Variants in TRPM7 observed in about 807,000 individuals in gnomAD.
The protein encoded by TRPM7 is transient receptor potential cation channel subfamily M member 7.
Under a neutral mutation model 229.7 loss-of-function variants are expected in TRPM7, and 134 were observed. That is an observed-to-expected ratio of 0.58 (90% confidence interval 0.51 to 0.67). The LOEUF (loss-of-function observed/expected upper bound fraction) is 0.67, where lower values mean the gene tolerates loss of function less well. TRPM7 is among the 30% of genes least tolerant of loss of function. The pLI is 0.00. For synonymous variants in TRPM7, 699 were observed against 715.2 expected, an observed-to-expected ratio of 0.98 and a Z score of 0.36; for missense variants, 1,901 against 2,210.0, an observed-to-expected ratio of 0.86 and a Z score of 2.80.
intron 1 of TRPM7, among the ~76,000 whole-genome samples, chr15:50,686,099 T>C (rs1383047915): frequency 6.6e-6 from 1 of 152,216 alleles, no homozygotes; most frequent in Non-Finnish European, 1.5e-5. Flanking sequence ...CTTTTTTCCA[T>C]GTAAAACTTG....
intron 38 of TRPM7, among the ~76,000 whole-genome samples, chr15:50,569,594 A>G (rs958129959): frequency 3.3e-5 from 5 of 152,146 alleles, no homozygotes; most frequent in Non-Finnish European, 5.9e-5. Context: ...ATGAGGCTAA[A>G]CTCCATGAGG....
intron 11 of TRPM7, among the ~76,000 whole-genome samples, chr15:50,627,021 G>C (rs749402173): frequency 2.6e-5 from 4 of 152,126 alleles, no homozygotes; most frequent in Non-Finnish European, 5.9e-5. Context: ...TATTTACTAT[G>C]TGGACAAAAA....
chr15:50,600,601 A>C (rs2059754766), intron 21 of TRPM7, among the ~76,000 whole-genome samples: 1 of 152,206 alleles, frequency 6.6e-6, no homozygotes, highest in Non-Finnish European at 1.5e-5. Flanking sequence ...TGTAAACTTA[A>C]AATAATTGTA....
intron 3 of TRPM7, among the ~76,000 whole-genome samples, chr15:50,651,597 T>C (rs1412636582): frequency 6.6e-6 from 1 of 152,020 alleles, no homozygotes; most frequent in Non-Finnish European, 1.5e-5. Flanking sequence ...AGGAATTCAA[T>C]ATTAGCCTGG....
chr15:50,609,470 A>G (rs2060005888), intron 19 of TRPM7, 111 bp downstream of exon 19: 1 of 1,040,586 alleles, frequency 9.6e-7, no homozygotes, highest in South Asian at 2.1e-5. Flanking sequence ...TTAAATGTGA[A>G]ATGCCTTTTC....
intron 1 of TRPM7, among the ~76,000 whole-genome samples, chr15:50,674,664 T>C (rs1049749258): frequency 1.3e-5 from 2 of 152,186 alleles, no homozygotes; most frequent in Non-Finnish European, 2.9e-5. Context: ...TTGTTACTAA[T>C]TAGCAACCTT....
At position 50,561,692 on chromosome 15, in the gene TRPM7, G is replaced by A. The variant is rs753258420; in HGVS notation, c.5584C>T (p.Arg1862Cys). Residue 1862 changes from arginine (R) to cysteine (C), a missense_variant, in exon 39 of 39, where the codon CGT becomes TGT. By Grantham distance (180) the Arg-to-Cys change is radical. This residue lies in a region of TRPM7 where 257 missense variants were observed against 352.0 expected (regional missense o/e 0.73). Transcript: ENST00000646667. ...TKESESTNSV[R>C]LML ...TAATATTAATATTATAACATCAGAC[G>A]AACAGAATTAGTTGATTCTGATTCT... The A allele has an allele frequency of 8.1e-6, 13 of 1,610,004 alleles. No individual in the cohort carries two copies. The highest frequency in any genetic ancestry group is 1.1e-5 in the South Asian group (1 of 89,932).
chr15:50,585,118 G>A (rs2054632658), intron 28 of TRPM7, among the ~76,000 whole-genome samples: 1 of 140,838 alleles, frequency 7.1e-6, no homozygotes, highest in South Asian at 2.2e-4. Context: ...GCAGACTGCA[G>A]TGGCGCAATC....
intron 15 of TRPM7, 132 bp downstream of exon 15, chr15:50,613,575 C>A: frequency 1.7e-5 from 8 of 477,496 alleles, no homozygotes; most frequent in East Asian, 5.5e-5. Flanking sequence ...GAGAAAATGA[C>A]AATTCTAGGA....
chr15:50,582,267 G>C (rs1414200308), intron 29 of TRPM7, among the ~76,000 whole-genome samples: 1 of 149,308 alleles, frequency 6.7e-6, no homozygotes, highest in Non-Finnish European at 1.5e-5. Flanking sequence ...CCCCCACCGA[G>C]TTTTTTTTTT....
At position 50,560,691 on chromosome 15, in the gene TRPM7, C is replaced by A. The variant is rs867156731; in HGVS notation, c.*987G>T. The A allele has an allele frequency of 4.6e-5, 7 of 152,584 alleles. No individual in the cohort carries two copies. The highest frequency in any genetic ancestry group is 1.7e-4 in the African/African-American group (7 of 41,444). 9.5% of individuals were successfully genotyped at this position (152,584 alleles called of 1,614,324 possible). ...CCAGTATCACATAATGATAATCCAA[C>A]TGAATTAATTTCTTAAGTACCACAA... On this transcript the variant is annotated 3_prime_UTR_variant, in exon 39 of 39. Transcript: ENST00000646667.
chr15:50,613,670 TA>T (rs2060128744), intron 15 of TRPM7, 36 bp downstream of exon 15: 1 of 1,462,072 alleles, frequency 6.8e-7, no homozygotes, highest in East Asian at 2.6e-5. Flanking sequence ...AAGAAGAAAA[TA>T]AAAACCCAGA....
intron 4 of TRPM7, among the ~76,000 whole-genome samples, chr15:50,646,282 CTGT>C (rs2061262767): frequency 6.6e-6 from 1 of 152,066 alleles, no homozygotes; most frequent in Admixed American, 6.6e-5. Context: ...ATGGTTTTTG[CTGT>C]TGTTATTTGT....
intron 22 of TRPM7, among the ~76,000 whole-genome samples, chr15:50,598,143 G>A (rs1180993295): frequency 6.6e-6 from 1 of 152,078 alleles, no homozygotes; most frequent in Non-Finnish European, 1.5e-5. Flanking sequence ...TACGTAGGAA[G>A]GGAGTAACAC....
rs950438094 is a variant in TRPM7, at chr15:50,686,737, C to G, written c.-204G>C. 13 of 620,744 alleles carry G rather than the reference C, an allele frequency of 2.1e-5. No individual in the cohort carries two copies. The highest frequency in any genetic ancestry group is 3.4e-5 in the Non-Finnish European group (13 of 385,214). 38.5% of individuals were successfully genotyped at this position (620,744 alleles called of 1,614,324 possible). A position where few individuals can be genotyped will look rare whatever the true frequency, so the allele number is the denominator to read the frequency against. ...TTTCATAATTGTGCGACCAACTCCT[C>G]CGGGTGACTGGCCACAGGGACGCGC... On this transcript the variant is annotated 5_prime_UTR_variant, in exon 1 of 39. Transcript: ENST00000646667.
Position 50,586,476 on chromosome 15 carries a change from A to C in TRPM7, c.4402T>G (p.Ser1468Ala). 5 of 1,609,524 alleles carry C rather than the reference A, an allele frequency of 3.1e-6. No homozygotes were observed. The highest frequency in any genetic ancestry group is 4.3e-6 in the Non-Finnish European group (5 of 1,176,224). The change falls in exon 28 of 39, where the codon TCT (serine) becomes GCT (alanine). Residue 1468 changes from serine to alanine, a missense_variant. This residue lies in a region of TRPM7 where 533 missense variants were observed against 497.1 expected (regional missense o/e 1.07). Coordinates refer to ENST00000646667, the MANE Select transcript of TRPM7 (RefSeq NM_017672.6). ...CTCACTCGTTTCAAAGTGTTTTCAG[A>C]AGTATTGTTATTCTGCAAATATTGT... The part of the protein sequence containing the change: ...KIKILSNNNT[S>A]ENTLKRVSSL...
chr15:50,608,085 A>AAGAG (rs2059969985), intron 19 of TRPM7, among the ~76,000 whole-genome samples: 4 of 150,140 alleles, frequency 2.7e-5, no homozygotes, highest in Middle Eastern at 3.4e-3. Context: ...GAAAGAAAGA[A>AAGAG]AAGAAAAGAA....
chr15:50,680,607 A>AATTATCTGT (rs2062220105), intron 1 of TRPM7, among the ~76,000 whole-genome samples: 1 of 152,098 alleles, frequency 6.6e-6, no homozygotes, highest in Admixed American at 6.6e-5. Context: ...CTGAGTTGTA[A>AATTATCTGT]ATTATCTGTC....
At chr15:50,621,157 CAAAAAAAAAA>C (rs35848629) in intron 12 of TRPM7, among the ~76,000 whole-genome samples, 17 of 51,850 alleles carry the variant, frequency 3.3e-4, no homozygotes, top group African/African-American at 7.4e-4. Flanking sequence ...GACTCCGTCT[CAAAAAAAAAA>C]AAAAAAAAAA....
Sources: gnomAD v4.1 joint callset for allele counts (sites outside exome capture counted in the v4.1 genomes callset) on GRCh38, gnomAD v4.1.1 for gene constraint, gnomAD v4.1.1 regional missense constraint, MANE v1.5 for transcripts, NCBI Gene and HGNC (gene_info 2026-07-23, HGNC 2026-07-21) for gene names.